The following KHDRBS2 variants were observed in gnomAD, a reference collection of about 807,000 sequenced individuals.
KHDRBS2 encodes the protein KH RNA binding domain containing, signal transduction associated 2.
In KHDRBS2, 26 loss-of-function variants were observed where a neutral mutation model predicts 44.3. The observed-to-expected ratio is 0.59, with a 90% confidence interval of 0.43 to 0.81. The LOEUF (loss-of-function observed/expected upper bound fraction) is 0.81, where lower values mean the gene tolerates loss of function less well. KHDRBS2 is among the 40% of genes least tolerant of loss of function. KHDRBS2 has a pLI of 0.00. For missense variants in KHDRBS2, 476 were observed against 433.1 expected, an observed-to-expected ratio of 1.10 and a Z score of -0.88; for synonymous variants, 194 against 151.1, an observed-to-expected ratio of 1.28 and a Z score of -2.08.
chr6:61,703,871 G>C (rs1028218578), intron 7 of KHDRBS2, among the ~76,000 whole-genome samples: 17 of 151,828 alleles, frequency 1.1e-4, no homozygotes, highest in African/African-American at 3.1e-4. Context: ...TCTCAGTACT[G>C]TTGTATTATC....
At chr6:62,267,543 TAAAA>T (rs1839401512) in intron 1 of KHDRBS2, among the ~76,000 whole-genome samples, 1 of 151,926 alleles carries the variant, frequency 6.6e-6, no homozygotes, top group South Asian at 2.1e-4. Context: ...AAAAATCTCA[TAAAA>T]CATCAATGAT....
At chr6:62,107,302 GACAA>G (rs1183469746) in intron 2 of KHDRBS2, among the ~76,000 whole-genome samples, 8 of 152,034 alleles carry the variant, frequency 5.3e-5, no homozygotes, top group African/African-American at 9.7e-5. Flanking sequence ...ACCAATAACA[GACAA>G]ACAGAGAGCC....
In KHDRBS2 at chr6:62,286,006, G is replaced by A; in HGVS notation, c.-58C>T. On this transcript the variant is annotated 5_prime_UTR_variant, in exon 1 of 9. Transcript: ENST00000281156. ...GCGAGGTTCCGCTCGCTCGGACGCA[G>A]GCAGGGTCTTGGGGCAGCGCCTGGC... 9.1e-7 allele frequency: 1 copy of A among 1,104,208 alleles called. No homozygotes were observed. Among genetic ancestry groups the A allele is most frequent in the Non-Finnish European group, 1.4e-6 (1 of 733,820 alleles). The allele number at this position is 1,104,208 out of a possible 1,614,324, so 68.4% of individuals were successfully genotyped here.
chr6:61,778,917 G>A (rs1242034367), intron 6 of KHDRBS2, among the ~76,000 whole-genome samples: 1 of 152,112 alleles, frequency 6.6e-6, no homozygotes, highest in Non-Finnish European at 1.5e-5. Context: ...TTTGCTCACT[G>A]ACAATTTACT....
intron 2 of KHDRBS2, among the ~76,000 whole-genome samples, chr6:62,093,856 T>TTGTGTG (rs61194705): frequency 0.095 from 13,621 of 143,122 alleles, 696 homozygotes; most frequent in Non-Finnish European, 0.12. Context: ...TTCCATTGTT[T>TTGTGTG]TGTGTGTGTG....
intron 6 of KHDRBS2, among the ~76,000 whole-genome samples, chr6:61,889,029 CA>C (rs918085207): frequency 6.6e-6 from 1 of 151,854 alleles, no homozygotes; most frequent in Non-Finnish European, 1.5e-5. Flanking sequence ...AAGTAACTCA[CA>C]AAAAATAGAT....
the KHDRBS2 span, among the ~76,000 whole-genome samples, chr6:61,583,016 A>G: frequency 6.6e-6 from 1 of 151,780 alleles, no homozygotes; most frequent in African/African-American, 2.4e-5. Flanking sequence ...TATGTTTTTG[A>G]TCTATATTCA....
chr6:62,073,530 C>CTTTTTTTTTTTTTTTTTTT (rs60124030), intron 2 of KHDRBS2, among the ~76,000 whole-genome samples: 4 of 124,414 alleles, frequency 3.2e-5, no homozygotes, highest in Non-Finnish European at 3.4e-5. Flanking sequence ...TTTCTTTTTT[C>CTTTTTTTTTTTTTTTTTTT]TTTTTTTTTT....
chr6:62,038,478 A>G (rs1785782233), intron 3 of KHDRBS2, among the ~76,000 whole-genome samples: 1 of 152,118 alleles, frequency 6.6e-6, no homozygotes, highest in Non-Finnish European at 1.5e-5. Context: ...AATGATTCAG[A>G]TATTTATGAC....
At chr6:62,159,630 C>T (rs1242280539) in intron 2 of KHDRBS2, among the ~76,000 whole-genome samples, 1 of 152,076 alleles carries the variant, frequency 6.6e-6, no homozygotes, top group Non-Finnish European at 1.5e-5. Context: ...CCACATATAA[C>T]TTTTGACTCC....
intron 6 of KHDRBS2, among the ~76,000 whole-genome samples, chr6:61,733,321 C>A (rs186286009): frequency 6.6e-6 from 1 of 152,058 alleles, no homozygotes; most frequent in African/African-American, 2.4e-5. Context: ...CCGGGCCTGG[C>A]GGCTCATGCC....
chr6:62,076,667 G>A (rs949013445), intron 2 of KHDRBS2, among the ~76,000 whole-genome samples: 3 of 152,044 alleles, frequency 2.0e-5, no homozygotes, highest in African/African-American at 7.2e-5. Flanking sequence ...GTTTGCCTAG[G>A]AGGCAATTCT....
chr6:62,089,589 G>A (rs1345224946), intron 2 of KHDRBS2, among the ~76,000 whole-genome samples: 3 of 152,090 alleles, frequency 2.0e-5, no homozygotes, highest in Non-Finnish European at 2.9e-5. Context: ...GAGATGAACC[G>A]TGTACCTCAG....
At chr6:61,936,425 C>T (rs1221164556) in intron 4 of KHDRBS2, among the ~76,000 whole-genome samples, 3 of 151,972 alleles carry the variant, frequency 2.0e-5, no homozygotes, top group African/African-American at 2.4e-5. Flanking sequence ...AACTGTCATC[C>T]ATTTTTATTT....
intron 6 of KHDRBS2, among the ~76,000 whole-genome samples, chr6:61,794,967 T>G (rs1785105857): frequency 6.6e-6 from 1 of 151,514 alleles, no homozygotes; most frequent in Non-Finnish European, 1.5e-5. Context: ...GGTGAAACCC[T>G]GTCTCTACTA....
intron 6 of KHDRBS2, among the ~76,000 whole-genome samples, chr6:61,834,668 T>TA (rs1792368769): frequency 1.3e-5 from 2 of 152,020 alleles, no homozygotes; most frequent in African/African-American, 4.8e-5. Flanking sequence ...TCTGGGTTGT[T>TA]TGTATGGTTC....
At chr6:62,050,311 C>T (rs1251263179) in intron 2 of KHDRBS2, among the ~76,000 whole-genome samples, 6 of 151,716 alleles carry the variant, frequency 4.0e-5, no homozygotes, top group Non-Finnish European at 8.8e-5. Flanking sequence ...GGAGGGATAT[C>T]ATTAGGAGAA....
intron 6 of KHDRBS2, among the ~76,000 whole-genome samples, chr6:61,825,000 A>G (rs1790612250): frequency 6.6e-6 from 1 of 152,170 alleles, no homozygotes; most frequent in Admixed American, 6.6e-5. Context: ...GGTTATTAAA[A>G]TCTATCATTT....
chr6:62,184,018 T>C (rs956828825), intron 1 of KHDRBS2, among the ~76,000 whole-genome samples: 4 of 151,768 alleles, frequency 2.6e-5, no homozygotes, highest in Admixed American at 6.6e-5. Flanking sequence ...TTATGCTTTT[T>C]TAGTTTCCAA....
Sources: gnomAD v4.1 joint callset for allele counts (sites outside exome capture counted in the v4.1 genomes callset) on GRCh38, gnomAD v4.1.1 for gene constraint, MANE v1.5 for transcripts, NCBI Gene and HGNC (gene_info 2026-07-23, HGNC 2026-07-21) for gene names.